The following SLC11A2 variants were observed in gnomAD, a reference collection of about 807,000 sequenced individuals.
SLC11A2 encodes the protein solute carrier family 11 member 2.
In SLC11A2, 38 loss-of-function variants were observed where a neutral mutation model predicts 68.0. The observed-to-expected ratio is 0.56, with a 90% CI of 0.43 to 0.73. The LOEUF (loss-of-function observed/expected upper bound fraction) is 0.73, where lower values mean the gene tolerates loss of function less well. Ranked by LOEUF, SLC11A2 falls within the 30% of genes least tolerant of loss-of-function variation. The probability of loss-of-function intolerance (pLI) is 0.00; values close to 1 mark genes in which losing one functional copy is unlikely to be tolerated. For synonymous variants in SLC11A2, 242 were observed against 250.6 expected, an observed-to-expected ratio of 0.97 and a Z score of 0.32; for missense variants, 517 against 690.5, an observed-to-expected ratio of 0.75 and a Z score of 2.82.
At chr12:50,997,070 C>T (rs1941769589) in intron 8 of SLC11A2, 98 bp from the exon 9 acceptor site, 1 of 925,136 alleles carries the variant, frequency 1.1e-6, no homozygotes, top group Non-Finnish European at 1.8e-6. Flanking sequence ...CCTTACAATG[C>T]CTTCTTCCTT....
At chr12:51,018,703 G>A (rs1330073410) in intron 1 of SLC11A2, among the ~76,000 whole-genome samples, 1 of 151,618 alleles carries the variant, frequency 6.6e-6, no homozygotes, top group Non-Finnish European at 1.5e-5. Context: ...GGGAGGTTGT[G>A]GCTGCAGTGA....
At chr12:51,003,745 T>C (rs1389066670) in intron 5 of SLC11A2, among the ~76,000 whole-genome samples, 9 of 132,460 alleles carry the variant, frequency 6.8e-5, no homozygotes, top group Non-Finnish European at 1.3e-4. Flanking sequence ...CTAGACAACA[T>C]AGCAATACCT....
intron 1 of SLC11A2, chr12:51,024,907 T>C (rs1944279818): frequency 6.6e-6 from 1 of 152,194 alleles, no homozygotes; most frequent in Admixed American, 6.6e-5. Context: ...AAACCAAGTA[T>C]GCTGCAATCA....
chr12:50,965,094 T>C, the SLC11A2 span, among the ~76,000 whole-genome samples: 3 of 152,100 alleles, frequency 2.0e-5, no homozygotes, highest in African/African-American at 7.2e-5. Flanking sequence ...GGTAATGCTT[T>C]TGTTTTATGT....
chr12:50,966,678 A>G, the SLC11A2 span, among the ~76,000 whole-genome samples: 1 of 152,196 alleles, frequency 6.6e-6, no homozygotes, highest in African/African-American at 2.4e-5. Context: ...AGTCATTCTC[A>G]GACAGGATGG....
upstream of SLC11A2, chr12:51,026,538 A>C: frequency 2.8e-6 from 1 of 354,532 alleles, no homozygotes; most frequent in Non-Finnish European, 4.9e-6. Flanking sequence ...CCCCTGGGGC[A>C]CGCGGCGGCC....
At chr12:50,967,036 C>A in the SLC11A2 span, among the ~76,000 whole-genome samples, 6 of 151,872 alleles carry the variant, frequency 4.0e-5, no homozygotes, top group Non-Finnish European at 8.8e-5. Flanking sequence ...ATCACTTGAA[C>A]CCAGGAGGCA....
chr12:50,986,240 A>G lies in SLC11A2; in HGVS notation c.*2085T>C, dbSNP rs971482919. On this transcript the variant is annotated 3_prime_UTR_variant, in exon 16 of 16. Coordinates refer to ENST00000262052, the MANE Select transcript of SLC11A2 (RefSeq NM_000617.3). ...ATCCTTAAACATTCCACATAAACACACTGTCAAAACTCACTGGATATGCTG... is the reference window on the plus strand; with the variant it reads ...ATCCTTAAACATTCCACATAAACACGCTGTCAAAACTCACTGGATATGCTG... 1 of 1,283,726 alleles carries G rather than the reference A, an allele frequency of 7.8e-7. No individual in the cohort carries two copies. Among genetic ancestry groups the G allele is most frequent in the African/African-American group, 1.5e-5 (1 of 65,738 alleles). 79.5% of individuals were successfully genotyped at this position (1,283,726 alleles called of 1,614,324 possible).
chr12:50,954,514 T>C, the SLC11A2 span, among the ~76,000 whole-genome samples: 4 of 152,224 alleles, frequency 2.6e-5, no homozygotes, highest in Admixed American at 2.6e-4. Context: ...AGTTCTTACA[T>C]CTTCTGTTTA....
At chr12:50,997,573 TAC>T (rs1370562758) in intron 8 of SLC11A2, among the ~76,000 whole-genome samples, 2 of 146,440 alleles carry the variant, frequency 1.4e-5, no homozygotes, top group Non-Finnish European at 3.0e-5. Flanking sequence ...ATACCTATAG[TAC>T]TAGCTACTAG....
intron 1 of SLC11A2, among the ~76,000 whole-genome samples, chr12:51,021,106 G>T (rs766025159): frequency 6.6e-6 from 1 of 152,110 alleles, no homozygotes; most frequent in Non-Finnish European, 1.5e-5. Flanking sequence ...AAAAGAGGGG[G>T]ATTATAATTG....
intron 1 of SLC11A2, among the ~76,000 whole-genome samples, chr12:51,016,274 C>T (rs971936342): frequency 2.6e-5 from 4 of 151,856 alleles, no homozygotes; most frequent in African/African-American, 9.7e-5. Context: ...AGGCCGGACA[C>T]GGTGGCTCAC....
chr12:50,997,052 C>G (rs1308815520), intron 8 of SLC11A2, 80 bp from the exon 9 acceptor site: 2 of 1,086,076 alleles, frequency 1.8e-6, no homozygotes, highest in Non-Finnish European at 1.4e-6. Context: ...CAGTTAGCAT[C>G]CTTTATCCCT....
the SLC11A2 span, chr12:50,953,987 C>G: frequency 6.5e-7 from 1 of 1,544,758 alleles, no homozygotes; most frequent in Admixed American, 1.7e-5. Flanking sequence ...CCTATTGTTA[C>G]TAGAGAAAAA....
intron 1 of SLC11A2, among the ~76,000 whole-genome samples, chr12:51,021,462 C>G (rs1944037026): frequency 6.6e-6 from 1 of 152,100 alleles, no homozygotes; most frequent in Non-Finnish European, 1.5e-5. Flanking sequence ...CCCATCTCTA[C>G]TAAAAATACA....
chr12:51,026,195 C>A (rs1394471637), intron 1 of SLC11A2, 115 bp downstream of exon 1: 12 of 1,188,488 alleles, frequency 1.0e-5, no homozygotes, highest in Non-Finnish European at 1.2e-5. Flanking sequence ...CACGGCGAGC[C>A]GGTGTCGCAT....
At chr12:51,010,122 T>A (rs1943082669) in intron 2 of SLC11A2, among the ~76,000 whole-genome samples, 1 of 151,616 alleles carries the variant, frequency 6.6e-6, no homozygotes, top group African/African-American at 2.4e-5. Flanking sequence ...AGGCGGAGGT[T>A]GCAGTGAGCC....
chr12:51,025,829 G>C, intron 1 of SLC11A2: 1 of 986,564 alleles, frequency 1.0e-6, no homozygotes, highest in South Asian at 4.6e-5. Flanking sequence ...CCTGAAGTCG[G>C]TTAGGTTATA....
At chr12:50,972,007 C>T in the SLC11A2 span, among the ~76,000 whole-genome samples, 1,293 of 152,308 alleles carry the variant, frequency 8.5e-3, 20 homozygotes, top group African/African-American at 0.029. Flanking sequence ...TTGGTCAACA[C>T]TGTCCTCTTT....
Sources: gnomAD v4.1 joint callset for allele counts (sites outside exome capture counted in the v4.1 genomes callset) on GRCh38, gnomAD v4.1.1 for gene constraint, MANE v1.5 for transcripts, NCBI Gene and HGNC (gene_info 2026-07-23, HGNC 2026-07-21) for gene names.